The following THADA variants were observed in gnomAD, a reference collection of about 807,000 sequenced individuals.
THADA encodes the protein tRNA (32-2'-O)-methyltransferase regulator THADA.
THADA carries 213 observed loss-of-function variants against 219.8 expected under a neutral mutation model. The observed-to-expected ratio is 0.97, with a 90% CI of 0.87 to 1.09. The LOEUF (loss-of-function observed/expected upper bound fraction) is 1.09, where lower values mean the gene tolerates loss of function less well. THADA is among the 50% of genes least tolerant of loss of function. THADA has a pLI of 0.00. For synonymous variants in THADA, 1,018 were observed against 828.9 expected (o/e 1.23, Z -3.92); for missense variants, 2,956 against 2,311.3 (o/e 1.28, Z -5.72).
chr2:43,348,192 T>C (rs569167034), intron 29 of THADA, among the ~76,000 whole-genome samples: 220 of 152,318 alleles, frequency 1.4e-3, no homozygotes, highest in Non-Finnish European at 2.0e-3. Context: ...TTTTGAAAAA[T>C]TAGATCTGGC....
At chr2:43,468,062 T>C (rs1573799600) in intron 26 of THADA, among the ~76,000 whole-genome samples, 1 of 152,226 alleles carries the variant, frequency 6.6e-6, no homozygotes, top group African/African-American at 2.4e-5. Flanking sequence ...CTGACTTAAG[T>C]AAAAATACTG....
chr2:43,526,079 T>C (rs1262270789), intron 22 of THADA, among the ~76,000 whole-genome samples: 1 of 152,220 alleles, frequency 6.6e-6, no homozygotes, highest in African/African-American at 2.4e-5. Flanking sequence ...TAAATATCTA[T>C]TTTATTTGAT....
Position 43,292,902 on chromosome 2 carries a change from G to T in THADA, c.4750C>A (p.Leu1584Met). Residue 1584 changes from leucine (L) to methionine (M), a missense_variant, in exon 32 of 38, where the codon CTG becomes ATG. By Grantham distance (15) the Leu-to-Met change is conservative. Coordinates refer to ENST00000405975, the MANE Select transcript of THADA (RefSeq NM_022065.5). The stretch of plus-strand genomic sequence containing the variant: ...AAGAACTTCTCTCCCATGTTGCACA[G>T]CAAGGGTGGCACGCCCTTCTCTCCA... ...GLGEKGVPPLLCNMGEKFLLL... is the reference protein window; with the variant it reads ...GLGEKGVPPLMCNMGEKFLLL... 1 of 1,613,980 alleles carries T rather than the reference G, an allele frequency of 6.2e-7. No homozygotes were observed. Among genetic ancestry groups the T allele is most frequent in the Non-Finnish European group, 8.5e-7 (1 of 1,179,896 alleles).
At chr2:43,490,649 T>C (rs1431308866) in intron 25 of THADA, among the ~76,000 whole-genome samples, 1 of 152,216 alleles carries the variant, frequency 6.6e-6, no homozygotes, top group Admixed American at 6.5e-5. Context: ...TTGCTTTCTG[T>C]GGTTTCAGTT....
At chr2:43,455,300 C>T (rs1476473542) in intron 26 of THADA, among the ~76,000 whole-genome samples, 1 of 152,086 alleles carries the variant, frequency 6.6e-6, no homozygotes, top group Non-Finnish European at 1.5e-5. Context: ...ATCTCACCTC[C>T]CTGAGAGTGT....
chr2:43,552,030 C>T, intron 18 of THADA, 105 bp from the exon 19 acceptor site: 2 of 1,551,716 alleles, frequency 1.3e-6, no homozygotes, highest in South Asian at 1.2e-5. Context: ...TTGTTCAATA[C>T]ATAAAACATG....
chr2:43,248,243 A>C (rs2104113775), intron 36 of THADA, among the ~76,000 whole-genome samples: 1 of 146,370 alleles, frequency 6.8e-6, no homozygotes, highest in South Asian at 2.2e-4. Context: ...AGAGAGAGAG[A>C]GAGAGAGACG....
At chr2:43,469,403 C>G (rs1453466169) in intron 26 of THADA, among the ~76,000 whole-genome samples, 2 of 151,924 alleles carry the variant, frequency 1.3e-5, no homozygotes, top group African/African-American at 4.8e-5. Flanking sequence ...GAAGAAAATA[C>G]AATTAACCAA....
At position 43,504,834 on chromosome 2, in the gene THADA, C is replaced by G. The variant is rs945930487; in HGVS notation, c.3621+788G>C. Among the ~76,000 whole-genome samples, 9 of 152,052 alleles carry G rather than the reference C, an allele frequency of 5.9e-5. 1 individual carries two copies. The highest frequency in any genetic ancestry group is 5.9e-4 in the Admixed American group (9 of 15,284). On this transcript the variant is annotated intron_variant, in intron 24 of 37. Transcript: ENST00000405975. ...AGGAGGCGGAGGTTGCAGTGAGCCACGATCGCACCACTGCACTCCAGCATG... is the reference window on the plus strand; with the variant it reads ...AGGAGGCGGAGGTTGCAGTGAGCCAGGATCGCACCACTGCACTCCAGCATG...
intron 31 of THADA, among the ~76,000 whole-genome samples, chr2:43,320,228 G>C (rs1407470173): frequency 6.6e-6 from 1 of 152,206 alleles, no homozygotes; most frequent in African/African-American, 2.4e-5. Flanking sequence ...TTCCCTGAAT[G>C]ACCAACTAGA....
intron 29 of THADA, among the ~76,000 whole-genome samples, chr2:43,391,268 G>A (rs770241539): frequency 7.2e-5 from 11 of 152,078 alleles, no homozygotes; most frequent in Non-Finnish European, 1.3e-4. Flanking sequence ...AAACACCTGA[G>A]GACACATCAA....
At chr2:43,237,589 CG>C (rs1379196620) in intron 36 of THADA, among the ~76,000 whole-genome samples, 2 of 151,010 alleles carry the variant, frequency 1.3e-5, no homozygotes, top group Non-Finnish European at 3.0e-5. Context: ...TTAGTAGAGA[CG>C]GGGTTTCACC....
At chr2:43,284,695 C>T (rs901643602) in intron 35 of THADA, among the ~76,000 whole-genome samples, 2 of 152,186 alleles carry the variant, frequency 1.3e-5, no homozygotes, top group African/African-American at 4.8e-5. Context: ...AGAAGAGGAC[C>T]ACCGTCCTCC....
chr2:43,434,430 G>A (rs928508783), intron 26 of THADA, among the ~76,000 whole-genome samples: 9 of 152,130 alleles, frequency 5.9e-5, no homozygotes, highest in African/African-American at 2.2e-4. Context: ...CCCAAATGCT[G>A]CATTTCCCAA....
intron 21 of THADA, among the ~76,000 whole-genome samples, chr2:43,529,443 C>T (rs905638407): frequency 1.3e-5 from 2 of 152,120 alleles, no homozygotes; most frequent in African/African-American, 4.8e-5. Flanking sequence ...ACTCTTGGGC[C>T]CCAAGGAGTC....
At chr2:43,495,548 T>C (rs917615139) in intron 25 of THADA, among the ~76,000 whole-genome samples, 6 of 152,176 alleles carry the variant, frequency 3.9e-5, no homozygotes, top group South Asian at 4.1e-4. Flanking sequence ...ACTGTTCTTA[T>C]TATGCTTTTC....
chr2:43,466,234 C>G (rs980582528), intron 26 of THADA, among the ~76,000 whole-genome samples: 1 of 152,228 alleles, frequency 6.6e-6, no homozygotes, highest in African/African-American at 2.4e-5. Flanking sequence ...AATGCTACGA[C>G]TGGAGAATCA....
At chr2:43,479,973 G>A (rs1685995145) in intron 26 of THADA, among the ~76,000 whole-genome samples, 1 of 152,184 alleles carries the variant, frequency 6.6e-6, no homozygotes, top group African/African-American at 2.4e-5. Context: ...TGAGATTATT[G>A]GTCAACATTC....
At chr2:43,541,737 T>C (rs1474799916) in intron 20 of THADA, among the ~76,000 whole-genome samples, 1 of 152,160 alleles carries the variant, frequency 6.6e-6, no homozygotes, top group African/African-American at 2.4e-5. Flanking sequence ...AAAGCAATTC[T>C]CTCGCTTGGG....
Sources: allele counts gnomAD v4.1 joint callset (sites outside exome capture counted in the v4.1 genomes callset), GRCh38; gene constraint gnomAD v4.1.1; transcripts MANE v1.5; gene names NCBI Gene and HGNC (gene_info 2026-07-23, HGNC 2026-07-21).